The following KHDRBS3 variants were observed in gnomAD, a reference collection of about 807,000 sequenced individuals.
KHDRBS3 encodes KH RNA binding domain containing, signal transduction associated 3, also known as KH domain-containing, RNA-binding, signal transduction-associated protein 3.
Under a neutral mutation model 45.6 loss-of-function variants are expected in KHDRBS3, and 23 were observed. The observed-to-expected ratio is 0.50, with a 90% CI of 0.36 to 0.72. The LOEUF (loss-of-function observed/expected upper bound fraction) is 0.72. Ranked by LOEUF, KHDRBS3 falls within the 30% of genes least tolerant of loss-of-function variation. The pLI, the probability that KHDRBS3 is intolerant of heterozygous loss-of-function variation, is 0.00. For missense variants in KHDRBS3, 352 were observed against 424.8 expected (o/e 0.83, Z 1.51); for synonymous variants, 162 against 156.5 (o/e 1.04, Z -0.26).
chr8:135,518,364 G>A (rs1250612658), intron 1 of KHDRBS3, among the ~76,000 whole-genome samples: 3 of 152,012 alleles, frequency 2.0e-5, no homozygotes, highest in African/African-American at 2.4e-5. Context: ...TAGTAGAGAC[G>A]GGGGTTTCAC....
intron 7 of KHDRBS3, among the ~76,000 whole-genome samples, chr8:135,623,728 C>T (rs1830246443): frequency 6.6e-6 from 1 of 152,218 alleles, no homozygotes; most frequent in South Asian, 2.1e-4. Context: ...AATAGCACCA[C>T]TGTCATTTGA....
At chr8:135,546,021 C>T (rs1323004891) in intron 3 of KHDRBS3, among the ~76,000 whole-genome samples, 1 of 151,992 alleles carries the variant, frequency 6.6e-6, no homozygotes, top group Non-Finnish European at 1.5e-5. Flanking sequence ...GTCTGTAATC[C>T]TGGCTACTCA....
chr8:135,618,007 G>A (rs11993104), intron 7 of KHDRBS3, among the ~76,000 whole-genome samples: 25,545 of 152,074 alleles, frequency 0.17, 3,289 homozygotes, highest in East Asian at 0.53. Context: ...CCCCAGAATC[G>A]ATTCATACCT....
intron 1 of KHDRBS3, among the ~76,000 whole-genome samples, chr8:135,473,900 A>G (rs1157712174): frequency 6.6e-6 from 1 of 152,164 alleles, no homozygotes; most frequent in East Asian, 1.9e-4. Flanking sequence ...GATCTTCCAG[A>G]GGAGTTGGAG....
At chr8:135,529,389 T>G (rs1218086834) in intron 2 of KHDRBS3, among the ~76,000 whole-genome samples, 1 of 152,218 alleles carries the variant, frequency 6.6e-6, no homozygotes, top group Non-Finnish European at 1.5e-5. Flanking sequence ...ATTTCAGATG[T>G]ATTGTGGAGG....
chr8:135,558,179 C>T (rs1009141979), intron 5 of KHDRBS3, among the ~76,000 whole-genome samples: 1 of 152,118 alleles, frequency 6.6e-6, no homozygotes, highest in Non-Finnish European at 1.5e-5. Context: ...TAATTTTATT[C>T]ACTGTAAAAG....
chr8:135,643,631 T>C (rs1831158464), intron 7 of KHDRBS3, among the ~76,000 whole-genome samples: 1 of 152,224 alleles, frequency 6.6e-6, no homozygotes, highest in Non-Finnish European at 1.5e-5. Context: ...GGCCATGCTG[T>C]GCCGTAGTCA....
intron 1 of KHDRBS3, among the ~76,000 whole-genome samples, chr8:135,516,020 G>C (rs1472143714): frequency 6.6e-6 from 1 of 152,116 alleles, no homozygotes; most frequent in African/African-American, 2.4e-5. Context: ...TGGTGCAGCC[G>C]GCTTGCTGTA....
At chr8:135,508,717 G>A (rs978576331) in intron 1 of KHDRBS3, among the ~76,000 whole-genome samples, 3 of 152,116 alleles carry the variant, frequency 2.0e-5, no homozygotes, top group Non-Finnish European at 4.4e-5. Flanking sequence ...TGGTTACCTC[G>A]TTTAGTCTGT....
At chr8:135,495,962 G>A (rs1329473975) in intron 1 of KHDRBS3, among the ~76,000 whole-genome samples, 3 of 151,908 alleles carry the variant, frequency 2.0e-5, no homozygotes, top group African/African-American at 7.3e-5. Flanking sequence ...GTTTAAGCAA[G>A]TAAATATTAC....
Position 135,457,678 on chromosome 8 carries a change from G to A in KHDRBS3, c.-189G>A, listed in dbSNP as rs1006128151. ...GGGTACTCGGCGGCCACCGGGGATC[G>A]GGGCTGAGCGGTCGGTTCCCGCCCC... is the stretch of plus-strand genomic sequence containing the variant. On this transcript the variant is annotated 5_prime_UTR_variant, in exon 1 of 9. Transcript: ENST00000355849. This position sits in a 1 kb window ranked among gnomAD's most constrained non-coding sequence, Gnocchi z 4.4. 6.7e-5 allele frequency: 10 copies of A among 150,078 alleles called. No homozygotes were observed. Among genetic ancestry groups the A allele is most frequent in the Admixed American group, 2.0e-4 (3 of 14,832 alleles). The allele number at this position is 150,078 out of a possible 1,614,324, so 9.3% of individuals were successfully genotyped here. A position where few individuals can be genotyped will look rare whatever the true frequency, so the allele number is the denominator to read the frequency against.
chr8:135,513,028 G>A (rs183083599), intron 1 of KHDRBS3, among the ~76,000 whole-genome samples: 329 of 152,076 alleles, frequency 2.2e-3, no homozygotes, highest in African/African-American at 7.2e-3. Flanking sequence ...GTGAAACCCC[G>A]TCTCTACTAA....
chr8:135,599,579 C>T (rs982693464), intron 6 of KHDRBS3, among the ~76,000 whole-genome samples: 1 of 152,198 alleles, frequency 6.6e-6, no homozygotes, highest in African/African-American at 2.4e-5. Flanking sequence ...TTAATTAGTT[C>T]TTTTCATCAT....
At chr8:135,544,623 G>A (rs552120853) in intron 3 of KHDRBS3, among the ~76,000 whole-genome samples, 73 of 152,130 alleles carry the variant, frequency 4.8e-4, no homozygotes, top group Non-Finnish European at 1.0e-3. Context: ...GGAGACTGCT[G>A]GGGATTAAGG....
intron 8 of KHDRBS3, 49 bp downstream of exon 8, chr8:135,645,166 A>T (rs554273663): frequency 6.3e-7 from 1 of 1,576,682 alleles, no homozygotes; most frequent in East Asian, 2.2e-5. Context: ...AGATGGCCGT[A>T]GAAAGACCTT....
At chr8:135,473,347 C>G (rs1399132309) in intron 1 of KHDRBS3, among the ~76,000 whole-genome samples, 6 of 152,184 alleles carry the variant, frequency 3.9e-5, no homozygotes, top group African/African-American at 9.6e-5. Context: ...CCAGCACATG[C>G]ATGCTGAAAC....
intron 7 of KHDRBS3, among the ~76,000 whole-genome samples, chr8:135,641,607 G>A (rs1333826567): frequency 6.6e-6 from 1 of 152,192 alleles, no homozygotes; most frequent in Non-Finnish European, 1.5e-5. Flanking sequence ...TGCTGTGAAA[G>A]AGCCATGGAA....
At chr8:135,614,851 C>T (rs942540997) in intron 7 of KHDRBS3, among the ~76,000 whole-genome samples, 1 of 151,808 alleles carries the variant, frequency 6.6e-6, no homozygotes, top group Non-Finnish European at 1.5e-5. Context: ...ATACGTGGAC[C>T]ACTGCACTGG....
intron 6 of KHDRBS3, among the ~76,000 whole-genome samples, chr8:135,602,853 C>G (rs1358687034): frequency 6.6e-6 from 1 of 152,058 alleles, no homozygotes; most frequent in Non-Finnish European, 1.5e-5. Flanking sequence ...TAACTTGGTC[C>G]TTCATGAGCT....
Sources: gnomAD v4.1 joint callset for allele counts (sites outside exome capture counted in the v4.1 genomes callset) on GRCh38, gnomAD v4.1.1 for gene constraint, Gnocchi (gnomAD v3.1) non-coding constraint, MANE v1.5 for transcripts, NCBI Gene and HGNC (gene_info 2026-07-23, HGNC 2026-07-21) for gene names.